The following PLEKHA8 variants were observed in gnomAD, a reference collection of about 807,000 sequenced individuals.
PLEKHA8 encodes pleckstrin homology domain-containing family A member 8.
In PLEKHA8, 36 loss-of-function variants were observed where a neutral mutation model predicts 68.2. That is an observed-to-expected ratio of 0.53 (90% CI 0.40 to 0.70). The LOEUF is 0.70. Ranked by LOEUF, PLEKHA8 falls within the 30% of genes least tolerant of loss-of-function variation. The pLI, the probability that PLEKHA8 is intolerant of heterozygous loss-of-function variation, is 0.00. For synonymous variants in PLEKHA8, 211 were observed against 216.1 expected (o/e 0.98, Z 0.20); for missense variants, 505 against 615.4 (o/e 0.82, Z 1.90).
intron 1 of PLEKHA8, among the ~76,000 whole-genome samples, chr7:30,034,862 T>C (rs1790946562): frequency 6.6e-6 from 1 of 151,896 alleles, no homozygotes; most frequent in African/African-American, 2.4e-5. Flanking sequence ...TTTGATGTAG[T>C]CTGATTTATC....
chr7:30,127,185 A>C (rs1796786333), intron 13 of PLEKHA8, among the ~76,000 whole-genome samples: 1 of 152,230 alleles, frequency 6.6e-6, no homozygotes, highest in African/African-American at 2.4e-5. Context: ...AGAAGTAACC[A>C]GCCACTTTTC....
intron 12 of PLEKHA8, among the ~76,000 whole-genome samples, chr7:30,067,686 T>A (rs1793953413): frequency 2.0e-5 from 3 of 152,354 alleles, no homozygotes; most frequent in Non-Finnish European, 4.4e-5. Context: ...ATAAGCAGCA[T>A]CTAGCATTGG....
At chr7:30,030,096 A>G (rs941140455) in intron 1 of PLEKHA8, among the ~76,000 whole-genome samples, 1 of 152,192 alleles carries the variant, frequency 6.6e-6, no homozygotes, top group African/African-American at 2.4e-5. Context: ...GAGGCTGATC[A>G]ACACTGCTAA....
intron 12 of PLEKHA8, among the ~76,000 whole-genome samples, chr7:30,064,817 C>T (rs1793706726): frequency 6.6e-6 from 1 of 152,140 alleles, no homozygotes; most frequent in Admixed American, 6.5e-5. Context: ...GCAGAAGATA[C>T]AGGGTTTAGC....
intron 1 of PLEKHA8, among the ~76,000 whole-genome samples, chr7:30,034,010 CTTTTTTTTTTTTTTTTTT>C (rs56796780): frequency 1.2e-4 from 4 of 34,632 alleles, no homozygotes; most frequent in East Asian, 1.1e-3. Flanking sequence ...TAAGAGGTTT[CTTTTTTTTTTTTTTTTTT>C]TTTTTTTTTT....
chr7:30,095,823 T>A (rs778024446), intron 13 of PLEKHA8, among the ~76,000 whole-genome samples: 7 of 152,356 alleles, frequency 4.6e-5, no homozygotes, highest in Non-Finnish European at 8.8e-5. Context: ...TTGTCAAAGA[T>A]CATATAGTTG....
At chr7:30,110,135 A>T (rs972933314) in intron 13 of PLEKHA8, among the ~76,000 whole-genome samples, 1 of 152,126 alleles carries the variant, frequency 6.6e-6, no homozygotes, top group Non-Finnish European at 1.5e-5. Flanking sequence ...GAATATTTGC[A>T]TTACCCCCAA....
At chr7:30,050,354 A>G in intron 5 of PLEKHA8, 80 bp from the exon 6 acceptor site, 1 of 1,488,680 alleles carries the variant, frequency 6.7e-7, no homozygotes, top group Non-Finnish European at 8.9e-7. Flanking sequence ...CATATTTACC[A>G]TTTTGTATGT....
At chr7:30,123,551 T>C (rs1796726623) in intron 13 of PLEKHA8, among the ~76,000 whole-genome samples, 3 of 152,188 alleles carry the variant, frequency 2.0e-5, no homozygotes, top group South Asian at 4.1e-4. Flanking sequence ...AGAGGTGGGC[T>C]TCAGCTCCAA....
At chr7:30,061,058 G>T in intron 10 of PLEKHA8, 116 bp downstream of exon 10, 1 of 924,746 alleles carries the variant, frequency 1.1e-6, no homozygotes, top group Non-Finnish European at 1.7e-6. Flanking sequence ...GTTCTTTTAA[G>T]AGAGCAAGCA....
At chr7:30,070,495 T>C (rs1243596461) in intron 12 of PLEKHA8, among the ~76,000 whole-genome samples, 2 of 151,774 alleles carry the variant, frequency 1.3e-5, no homozygotes, top group Admixed American at 6.6e-5. Flanking sequence ...TGAATGGCAA[T>C]GTATAGGAAA....
In PLEKHA8 at chr7:30,082,197, A is replaced by G. The variant is rs1794968229; in HGVS notation, c.*3410A>G. On this transcript the variant is annotated 3_prime_UTR_variant, in exon 14 of 14. Transcript: ENST00000449726. ...TTTTTTGCATGTTATTCTGATTATT[A>G]AACTTCCCCCAATGTCATATTCCAT... The G allele has an allele frequency of 1.2e-5, 12 of 985,360 alleles. No individual in the cohort carries two copies. The highest frequency in any genetic ancestry group is 1.2e-5 in the Non-Finnish European group (10 of 829,906). 61.0% of individuals were successfully genotyped at this position (985,360 alleles called of 1,614,324 possible).
At chr7:30,087,057 C>G (rs531730149), downstream of PLEKHA8, among the ~76,000 whole-genome samples, 1 of 152,282 alleles carries the variant, frequency 6.6e-6, no homozygotes, top group South Asian at 2.1e-4. Context: ...ACAAAGTTGT[C>G]GCATCTTTGC....
At chr7:30,119,915 A>G (rs550466767) in intron 13 of PLEKHA8, among the ~76,000 whole-genome samples, 2 of 152,298 alleles carry the variant, frequency 1.3e-5, no homozygotes, top group Non-Finnish European at 1.5e-5. Context: ...ATTGGTACTC[A>G]GCTGATATAC....
At chr7:30,122,393 A>G (rs530987500) in intron 13 of PLEKHA8, among the ~76,000 whole-genome samples, 16 of 152,268 alleles carry the variant, frequency 1.1e-4, no homozygotes, top group African/African-American at 3.6e-4. Flanking sequence ...CCTATATTCT[A>G]TGAATTCACC....
At chr7:30,113,748 C>A (rs1235881596) in intron 13 of PLEKHA8, among the ~76,000 whole-genome samples, 1 of 152,158 alleles carries the variant, frequency 6.6e-6, no homozygotes, top group Admixed American at 6.5e-5. Context: ...TTAACATTTT[C>A]CATCACTTCA....
In PLEKHA8 at chr7:30,079,474, G is replaced by GGAC; in HGVS notation, c.*688_*690dup. 1 of 985,224 alleles carries GGAC rather than the reference G, an allele frequency of 1.0e-6. No homozygotes were observed. Among genetic ancestry groups the GGAC allele is most frequent in the Non-Finnish European group, 1.2e-6 (1 of 829,856 alleles). The allele number at this position is 985,224 out of a possible 1,614,324, so 61.0% of individuals were successfully genotyped here. On this transcript the variant is annotated 3_prime_UTR_variant, in exon 14 of 14. Transcript: ENST00000449726. ...TGGAGGGGAGAATATGAGAGAGGTG[G>GGAC]GACAGGTCATTTGAGATGACACCTC...
At chr7:30,097,139 A>G (rs1795651122) in intron 13 of PLEKHA8, among the ~76,000 whole-genome samples, 1 of 152,224 alleles carries the variant, frequency 6.6e-6, no homozygotes, top group Non-Finnish European at 1.5e-5. Flanking sequence ...TTCTTTAAGA[A>G]TGTTGAATAT....
Position 30,083,743 on chromosome 7 carries a change from T to C in PLEKHA8, c.*4956T>C. 2.0e-6 allele frequency: 2 copies of C among 985,182 alleles called. No homozygotes were observed. Among genetic ancestry groups the C allele is most frequent in the Non-Finnish European group, 2.4e-6 (2 of 829,674 alleles). The allele number at this position is 985,182 out of a possible 1,614,324, so 61.0% of individuals were successfully genotyped here. ...AGTGAACAAATGTTTTCAGCTAAGC[T>C]ATGTGAGAATGTAAGAATAATATCC... On this transcript the variant is annotated 3_prime_UTR_variant, in exon 14 of 14. Coordinates refer to ENST00000449726, the MANE Select transcript of PLEKHA8 (RefSeq NM_001197026.2).
Sources: gnomAD v4.1 joint callset for allele counts (sites outside exome capture counted in the v4.1 genomes callset) on GRCh38, gnomAD v4.1.1 for gene constraint, MANE v1.5 for transcripts, NCBI Gene and HGNC (gene_info 2026-07-23, HGNC 2026-07-21) for gene names.